The following ST6GALNAC4 variants were observed in gnomAD, a reference collection of about 807,000 sequenced individuals.
The protein encoded by ST6GALNAC4 is alpha-N-acetyl-neuraminyl-2,3-beta-galactosyl-1,3-N-acetyl-galactosaminide alpha-2,6-sialyltransferase.
In ST6GALNAC4, 24 loss-of-function variants were observed where a neutral mutation model predicts 30.4. That is an observed-to-expected ratio of 0.79 (90% CI 0.57 to 1.11). The LOEUF is 1.11. Among genes scored for constraint, ST6GALNAC4 ranks in the 50% most tolerant of loss-of-function variants. The pLI is 0.00. For missense variants in ST6GALNAC4, 365 were observed against 430.1 expected (o/e 0.85, Z 1.34); for synonymous variants, 156 against 179.7 (o/e 0.87, Z 1.05).
rs537630618 is a variant in ST6GALNAC4, at chr9:127,914,597, G to A, written c.198+59C>T. 100 of 1,471,752 alleles carry A rather than the reference G, an allele frequency of 6.8e-5. No individual in the cohort carries two copies. In the African/African-American group the frequency reaches 7.2e-4, roughly 11 times the overall value. The allele number at this position is 1,471,752 out of a possible 1,614,324, so 91.2% of individuals were successfully genotyped here. ...AGTAGAGGGGCCAAGCTCAAGGTCCGGTTTGGGACAAGCCCAGCTCTCACT... is the reference window on the plus strand; with the variant it reads ...AGTAGAGGGGCCAAGCTCAAGGTCCAGTTTGGGACAAGCCCAGCTCTCACT... On this transcript the variant is annotated intron_variant, in intron 3 of 5. Transcript: ENST00000335791.
chr9:127,913,070 C>T (rs1831115901), intron 3 of ST6GALNAC4, among the ~76,000 whole-genome samples: 1 of 152,240 alleles, frequency 6.6e-6, no homozygotes, highest in Admixed American at 6.5e-5. Flanking sequence ...TGAACCTCAG[C>T]TCTTCAGAAT....
chr9:127,909,866 A>C (rs957172221), intron 5 of ST6GALNAC4, 85 bp downstream of exon 5: 54 of 1,346,274 alleles, frequency 4.0e-5, no homozygotes, highest in Non-Finnish European at 5.5e-5. Flanking sequence ...CTCTGCCCCC[A>C]CAGCTCCCAA....
Position 127,908,478 on chromosome 9 carries a change from G to T in ST6GALNAC4, c.823C>A (p.Arg275Ser). The T allele has an allele frequency of 6.2e-7, 1 of 1,610,694 alleles. No individual in the cohort carries two copies. The highest frequency in any genetic ancestry group is 8.5e-7 in the Non-Finnish European group (1 of 1,177,540). ...AHEQAPRSAH[R>S]FITEKAVFSR... ...AAGACCGCCTTCTCAGTGATGAAGC[G>T]GTGGGCGCTTCGGGGCGCCTGCTCG... The change falls in exon 6 of 6, where the codon CGC (arginine) becomes AGC (serine). Residue 275 changes from arginine (R) to serine (S), a missense_variant. Physicochemically the swap from Arg to Ser is moderately radical, Grantham distance 110. Transcript: ENST00000335791.
intron 4 of ST6GALNAC4, chr9:127,910,274 C>T (rs1276099702): frequency 1.5e-6 from 2 of 1,347,788 alleles, no homozygotes; most frequent in Non-Finnish European, 1.9e-6. Flanking sequence ...ATCACCTCCT[C>T]AGCACCCAGC....
chr9:127,916,803 G>A, intron 1 of ST6GALNAC4, 23 bp downstream of exon 1: 1 of 327,774 alleles, frequency 3.1e-6, no homozygotes, highest in Non-Finnish European at 5.7e-6. Flanking sequence ...CAGAAGCCCG[G>A]AATTCCACCC....
At position 127,912,638 on chromosome 9, in the gene ST6GALNAC4, T is replaced by A. The variant is rs768946603; in HGVS notation, c.241A>T (p.Ser81Cys). 5 of 1,598,134 alleles carry A rather than the reference T, an allele frequency of 3.1e-6. No individual in the cohort carries two copies. In the East Asian group the frequency reaches 1.1e-4, roughly 36 times the overall value. The change falls in exon 4 of 6, where the codon AGC (serine) becomes TGC (cysteine). Residue 81 changes from serine (S) to cysteine (C), a missense_variant. Coordinates refer to ENST00000335791, the MANE Select transcript of ST6GALNAC4 (RefSeq NM_175039.4). ...EPCRSCAVVS[S>C]SGQMLGSGLG... ...CCTGAGCCCAGCATTTGGCCGGAGC[T>A]GGACACCACGGCACAGCTGCGGCAG...
Position 127,912,296 on chromosome 9 carries a change from T to A in ST6GALNAC4, c.583A>T (p.Ile195Phe), listed in dbSNP as rs1303979519. The change falls in exon 4 of 6, where the codon ATC becomes TTC. Residue 195 changes from isoleucine (I) to phenylalanine (F), a missense_variant. By Grantham distance (21) the Ile-to-Phe change is conservative (BLOSUM62 0). Coordinates refer to ENST00000335791, the MANE Select transcript of ST6GALNAC4 (RefSeq NM_175039.4). Reference sequence around the variant, plus strand: ...TTCTTGCCCGTCTCGTCCTGGAAGATCTGGTCGCAGTAGGCCATCATGCGC... The same window carrying A: ...TTCTTGCCCGTCTCGTCCTGGAAGAACTGGTCGCAGTAGGCCATCATGCGC... ...TERMMAYCDQ[I>F]FQDETGKNRR... 3.7e-6 allele frequency: 6 copies of A among 1,612,396 alleles called. No homozygotes were observed. The highest frequency in any genetic ancestry group is 5.1e-6 in the Non-Finnish European group (6 of 1,179,134).
rs1588672042 is a variant in ST6GALNAC4 at position 127,908,181 on chromosome 9, GACAC to G, written c.*207_*210del. Reference sequence around the variant, plus strand: ...AATTACTCAGGGAGTGGAGGGGGGAGACACGGCTCCCCCCTCCACTCCCCTTCAA... The same window carrying G: ...AATTACTCAGGGAGTGGAGGGGGGAGGGCTCCCCCCTCCACTCCCCTTCAA... On this transcript the variant is annotated 3_prime_UTR_variant, in exon 6 of 6. Transcript: ENST00000335791. 4.6e-6 allele frequency: 1 copy of G among 215,950 alleles called. No individual in the cohort carries two copies. Among genetic ancestry groups the G allele is most frequent in the Non-Finnish European group, 9.0e-6 (1 of 110,766 alleles). The allele number at this position is 215,950 out of a possible 1,614,324, so 13.4% of individuals were successfully genotyped here. A position where few individuals can be genotyped will look rare whatever the true frequency, so the allele number is the denominator to read the frequency against.
At chr9:127,910,702 A>G (rs1180103117) in intron 4 of ST6GALNAC4, among the ~76,000 whole-genome samples, 2 of 152,010 alleles carry the variant, frequency 1.3e-5, no homozygotes, top group Non-Finnish European at 2.9e-5. Flanking sequence ...ACCCCTCTCA[A>G]CCTCTACAGA....
intron 4 of ST6GALNAC4, among the ~76,000 whole-genome samples, chr9:127,911,561 G>A (rs769976432): frequency 1.3e-5 from 2 of 152,198 alleles, no homozygotes; most frequent in African/African-American, 2.4e-5. Context: ...TTGGCTCACT[G>A]CAACCTCTGC....
intron 4 of ST6GALNAC4, among the ~76,000 whole-genome samples, chr9:127,911,774 C>T (rs1215996608): frequency 1.3e-5 from 2 of 152,206 alleles, no homozygotes; most frequent in Non-Finnish European, 2.9e-5. Flanking sequence ...CGTGAGCCAC[C>T]GGGCCTAGCC....
intron 5 of ST6GALNAC4, among the ~76,000 whole-genome samples, chr9:127,909,368 A>C (rs969649556): frequency 6.6e-6 from 1 of 151,340 alleles, no homozygotes; most frequent in African/African-American, 2.4e-5. Flanking sequence ...CAGCCTGGGC[A>C]ACAAGAGCAA....
chr9:127,916,204 T>TAC, intron 2 of ST6GALNAC4: 11 of 656,200 alleles, frequency 1.7e-5, no homozygotes, highest in South Asian at 1.6e-4. Flanking sequence ...GATAGCAAGG[T>TAC]ACTGACACTG....
At chr9:127,915,343 A>C (rs1831173534) in intron 2 of ST6GALNAC4, among the ~76,000 whole-genome samples, 1 of 152,088 alleles carries the variant, frequency 6.6e-6, no homozygotes, top group South Asian at 2.1e-4. Flanking sequence ...GTGGTGCCTC[A>C]GAAGGGCCAC....
rs771335304 is a variant in ST6GALNAC4, at chr9:127,914,713, C to A, written c.141G>T (p.Arg47Ser). The part of the protein sequence containing the change: ...CLDHHFPTGS[R>S]PTVPGPLHFS... ...AGTGCAGGGGTCCCGGCACAGTGGG[C>A]CTGGAGCCTGTGGGGAAGTGGTGGT... The change falls in exon 3 of 6, where the codon AGG becomes AGT. Residue 47 changes from arginine to serine, a missense_variant. By Grantham distance (110) the Arg-to-Ser change is moderately radical. Coordinates refer to ENST00000335791, the MANE Select transcript of ST6GALNAC4 (RefSeq NM_175039.4). The A allele has an allele frequency of 6.2e-7, 1 of 1,611,616 alleles. No homozygotes were observed. The highest frequency in any genetic ancestry group is 1.7e-5 in the Admixed American group (1 of 59,794).
intron 3 of ST6GALNAC4, among the ~76,000 whole-genome samples, chr9:127,913,703 T>A (rs1317686314): frequency 2.0e-5 from 3 of 151,794 alleles, no homozygotes; most frequent in Non-Finnish European, 4.4e-5. Context: ...CCAAGGTGGG[T>A]GGATCACTTG....
intron 3 of ST6GALNAC4, among the ~76,000 whole-genome samples, 165 bp downstream of exon 3, chr9:127,914,490 CA>C (rs60857050): frequency 9.2e-4 from 46 of 50,136 alleles, no homozygotes; most frequent in African/African-American, 3.7e-3. Context: ...GACTCCGTCT[CA>C]AAAAAAAAAA....
In ST6GALNAC4 at chr9:127,912,282, C is replaced by A; in HGVS notation, c.597G>T (p.Glu199Asp). Residue 199 changes from glutamate to aspartate, a missense_variant, in exon 4 of 6, where the codon GAG becomes GAT. Transcript: ENST00000335791. Reference sequence around the variant, plus strand: ...CCCAGGCTCACCGGTTCTTGCCCGTCTCGTCCTGGAAGATCTGGTCGCAGT... The same window carrying A: ...CCCAGGCTCACCGGTTCTTGCCCGTATCGTCCTGGAAGATCTGGTCGCAGT... ...MAYCDQIFQD[E>D]TGKNRRQSGS... 6.2e-7 allele frequency: 1 copy of A among 1,609,660 alleles called. No individual in the cohort carries two copies. The highest frequency in any genetic ancestry group is 1.1e-5 in the South Asian group (1 of 90,912).
rs552962709 is a variant in ST6GALNAC4 at position 127,914,666 on chromosome 9, G to A, written c.188C>T (p.Pro63Leu). ...GCCTGGCCCACTCACCTTCCCATCT[G>A]GCACACTGCTATATCCACTGAAGTG... The part of the protein sequence containing the change: ...PLHFSGYSSV[P>L]DGKPLVREPC... Residue 63 changes from proline to leucine, a missense_variant, in exon 3 of 6, where the codon CCA becomes CTA. Pro to Leu is a moderately conservative substitution (Grantham distance 98, BLOSUM62 -3). Transcript: ENST00000335791. 5.6e-6 allele frequency: 9 copies of A among 1,609,934 alleles called. No homozygotes were observed. The highest frequency in any genetic ancestry group is 1.1e-5 in the South Asian group (1 of 90,634).
Sources: allele counts gnomAD v4.1 joint callset (sites outside exome capture counted in the v4.1 genomes callset), GRCh38; gene constraint gnomAD v4.1.1; transcripts MANE v1.5; gene names NCBI Gene and HGNC (gene_info 2026-07-23, HGNC 2026-07-21).